XDH: variants seen among roughly 807,000 people sequenced by gnomAD.
XDH encodes the protein xanthine dehydrogenase/oxidase.
A neutral mutation model predicts 156.1 loss-of-function variants in XDH; 138 were observed. The ratio of observed to expected loss-of-function variants is 0.88; its 90% CI spans 0.77 to 1.02. The LOEUF is 1.02. XDH is among the 50% of genes least tolerant of loss of function. The pLI is 0.00. For synonymous variants in XDH, 669 were observed against 625.7 expected (o/e 1.07, Z -1.03); for missense variants, 1,849 against 1,684.9 (o/e 1.10, Z -1.71).
chr2:31,376,836 G>C (rs1171343467), intron 14 of XDH, among the ~76,000 whole-genome samples: 1 of 150,354 alleles, frequency 6.7e-6, no homozygotes, highest in Non-Finnish European at 1.5e-5. Context: ...AATACTCCTA[G>C]TAGTAATACT....
Position 31,334,452 on chromosome 2 carries a change from G to C in XDH, c.*1506C>G, listed in dbSNP as rs1047008822. ...TTGGATTTATACAGTGAAGGCATGT[G>C]ACAGTGACACATTGTCCACCCAGCA... is the stretch of plus-strand genomic sequence containing the variant. On this transcript the variant is annotated 3_prime_UTR_variant, in exon 36 of 36. Transcript: ENST00000379416. The C allele has an allele frequency of 1.3e-5, 2 of 152,144 alleles. No homozygotes were observed. Among genetic ancestry groups the C allele is most frequent in the Non-Finnish European group, 2.9e-5 (2 of 68,030 alleles). 9.4% of individuals were successfully genotyped at this position (152,144 alleles called of 1,614,324 possible).
chr2:31,405,063 G>C (rs936462505), intron 2 of XDH, among the ~76,000 whole-genome samples: 10 of 152,166 alleles, frequency 6.6e-5, no homozygotes, highest in African/African-American at 2.4e-4. Context: ...TGGGAACACA[G>C]CTCTAGGCTT....
In XDH at chr2:31,405,789, T is replaced by C. The variant is rs1572571975; in HGVS notation, c.100+118A>G. On this transcript the variant is annotated intron_variant, in intron 2 of 35. Transcript: ENST00000379416. ...GCAAGTGTCCCAAGTCCTAATCCAG[T>C]GCTCTTTCCTCCACACCTCAAGGCC... is the stretch of plus-strand genomic sequence containing the variant. 25 of 1,101,462 alleles carry C rather than the reference T, an allele frequency of 2.3e-5. No individual in the cohort carries two copies. The East Asian group carries it at 5.9e-4, about 26-fold the overall frequency. 68.2% of individuals were successfully genotyped at this position (1,101,462 alleles called of 1,614,324 possible).
chr2:31,379,479 G>T (rs1686372015), intron 13 of XDH, among the ~76,000 whole-genome samples: 1 of 152,166 alleles, frequency 6.6e-6, no homozygotes, highest in Admixed American at 6.5e-5. Context: ...TTAGCTGCTG[G>T]TCATCTCCAC....
At position 31,377,767 on chromosome 2, in the gene XDH, G is replaced by A. The variant is rs191691314; in HGVS notation, c.1243-530C>T. Among the ~76,000 whole-genome samples the A allele has an allele frequency of 1.8e-4, 27 of 151,658 alleles. No individual in the cohort carries two copies. The East Asian group carries it at 4.5e-3, about 25-fold the overall frequency. On this transcript the variant is annotated intron_variant, in intron 13 of 35. Coordinates refer to ENST00000379416, the MANE Select transcript of XDH (RefSeq NM_000379.4). ...AAAGAACCCGGGCACAGTGGCTCAC[G>A]TCTGTAATCCCAGAGGCCTAGGTGG...
At chr2:31,347,742 C>T (rs1043562962) in intron 28 of XDH, 92 bp from the exon 29 acceptor site, 3 of 1,521,256 alleles carry the variant, frequency 2.0e-6, no homozygotes, top group East Asian at 2.3e-5. Flanking sequence ...TTCACTGTTA[C>T]AGGCAAGAAA....
At chr2:31,397,848 C>A in intron 5 of XDH, 119 bp from the exon 6 acceptor site, 2 of 1,176,748 alleles carry the variant, frequency 1.7e-6, no homozygotes, top group Non-Finnish European at 2.5e-6. Context: ...ATTCTGTTAC[C>A]TCTGTCTGGA....
At chr2:31,342,600 T>A (rs530555092) in intron 31 of XDH, among the ~76,000 whole-genome samples, 11 of 152,274 alleles carry the variant, frequency 7.2e-5, no homozygotes, top group African/African-American at 2.4e-4. Context: ...AACAGATCCA[T>A]CTGGGCTCAC....
At position 31,365,480 on chromosome 2, in the gene XDH, G is replaced by A. The variant is rs1195548538; in HGVS notation, c.2521C>T (p.His841Tyr). ...DEDMLITGGR[H>Y]PFLARYKVGF... ...ACCTTGTATCTGGCCAGGAAGGGAT[G>A]TCTGCCACCAGTTATCAGCATGTCC... The change falls in exon 23 of 36, where the codon CAT becomes TAT. Residue 841 changes from histidine (H) to tyrosine (Y), a missense_variant. Transcript: ENST00000379416. The A allele has an allele frequency of 1.2e-6, 2 of 1,614,190 alleles. No homozygotes were observed. The highest frequency in any genetic ancestry group is 1.3e-5 in the African/African-American group (1 of 75,042).
intron 15 of XDH, among the ~76,000 whole-genome samples, chr2:31,374,562 A>C (rs1686174213): frequency 6.6e-6 from 1 of 152,212 alleles, no homozygotes; most frequent in African/African-American, 2.4e-5. Context: ...GAAATAACCA[A>C]AATACTTGGC....
At chr2:31,410,781 C>A (rs1411503922) in intron 1 of XDH, among the ~76,000 whole-genome samples, 1 of 152,060 alleles carries the variant, frequency 6.6e-6, no homozygotes, top group Non-Finnish European at 1.5e-5. Flanking sequence ...ACACCAATGT[C>A]ATGAAAGGAA....
In XDH at chr2:31,344,880, A is replaced by G. The variant is rs566250; in HGVS notation, c.3352-144T>C. The G allele has an allele frequency of 2.4e-4, 188 of 794,076 alleles. No homozygotes were observed. In the African/African-American group the frequency reaches 2.9e-3, roughly 12 times the overall value. 49.2% of individuals were successfully genotyped at this position (794,076 alleles called of 1,614,324 possible). A position where few individuals can be genotyped will look rare whatever the true frequency, so the allele number is the denominator to read the frequency against. ...CTCCCATTTCCATACCTTACCTTAC[A>G]TTGTCACTGGCACCACCTGCACCAG... On this transcript the variant is annotated intron_variant, in intron 30 of 35. Transcript: ENST00000379416.
At chr2:31,405,372 A>G (rs1216114551) in intron 2 of XDH, among the ~76,000 whole-genome samples, 1 of 151,856 alleles carries the variant, frequency 6.6e-6, no homozygotes, top group Non-Finnish European at 1.5e-5. Context: ...CTGAGTGAAG[A>G]GCAGCACCCC....
intron 16 of XDH, 95 bp downstream of exon 16, chr2:31,373,778 C>A: frequency 1.6e-6 from 2 of 1,247,878 alleles, no homozygotes; most frequent in Non-Finnish European, 2.3e-6. Flanking sequence ...GACCTATATA[C>A]AATTCAAGTT....
chr2:31,358,885 G>T (rs1453914683), intron 24 of XDH, among the ~76,000 whole-genome samples: 1 of 152,076 alleles, frequency 6.6e-6, no homozygotes, highest in African/African-American at 2.4e-5. Flanking sequence ...ATGACCTATA[G>T]TTCTGCAAGG....
Position 31,388,234 on chromosome 2 carries a change from T to A in XDH, c.557A>T (p.Asp186Val), listed in dbSNP as rs1201040230. The A allele has an allele frequency of 6.2e-7, 1 of 1,614,180 alleles. No individual in the cohort carries two copies. ...NPNCCMNQKK[D>V]HSVSLSPSLF... ...GGAGAAGAACTCACTTACTGAGTGG[T>A]CTTTCTTCTGGTTCATGCAGCAATT... The change falls in exon 7 of 36, where the codon GAC becomes GTC. Residue 186 changes from aspartate (D) to valine (V), a missense_variant. Coordinates refer to ENST00000379416, the MANE Select transcript of XDH (RefSeq NM_000379.4).
At chr2:31,337,253 A>G (rs1684990784) in intron 35 of XDH, among the ~76,000 whole-genome samples, 1 of 151,952 alleles carries the variant, frequency 6.6e-6, no homozygotes, top group Non-Finnish European at 1.5e-5. Context: ...CCATCCCCCC[A>G]ATATTCATAC....
chr2:31,386,928 G>A (rs1372485196), intron 8 of XDH, among the ~76,000 whole-genome samples: 2 of 129,596 alleles, frequency 1.5e-5, no homozygotes, highest in African/African-American at 5.7e-5. Flanking sequence ...CATGAGAAGG[G>A]AGGGAGGGAG....
At chr2:31,363,703 C>G (rs981095295) in intron 24 of XDH, among the ~76,000 whole-genome samples, 3 of 152,124 alleles carry the variant, frequency 2.0e-5, no homozygotes, top group African/African-American at 7.2e-5. Flanking sequence ...CAGAAAATGA[C>G]AGTGTGTACG....
Sources: gnomAD v4.1 joint callset for allele counts (sites outside exome capture counted in the v4.1 genomes callset) on GRCh38, gnomAD v4.1.1 for gene constraint, MANE v1.5 for transcripts, NCBI Gene and HGNC (gene_info 2026-07-23, HGNC 2026-07-21) for gene names.